The following MTHFD1L variants were observed in gnomAD, a reference collection of about 807,000 sequenced individuals.
MTHFD1L encodes monofunctional C1-tetrahydrofolate synthase, mitochondrial.
Under a neutral mutation model 119.5 loss-of-function variants are expected in MTHFD1L, and 81 were observed. The observed-to-expected ratio is 0.68, with a 90% CI of 0.57 to 0.82. The LOEUF is 0.82. Among genes scored for constraint, MTHFD1L ranks in the 40% least tolerant of loss-of-function variants. The pLI, the probability that MTHFD1L is intolerant of heterozygous loss-of-function variation, is 0.00. For missense variants in MTHFD1L, 1,125 were observed against 1,253.4 expected (o/e 0.90, Z 1.55); for synonymous variants, 430 against 475.2 (o/e 0.90, Z 1.24).
At chr6:150,885,564 T>A in intron 5 of MTHFD1L, 70 bp from the exon 6 acceptor site, 1 of 1,088,034 alleles carries the variant, frequency 9.2e-7, no homozygotes, top group Non-Finnish European at 1.4e-6. Context: ...GGTTAATATA[T>A]GTACATTACA....
Position 150,926,965 on chromosome 6 carries a change from T to C in MTHFD1L, c.1256+670T>C, listed in dbSNP as rs1190584931. Among the ~76,000 whole-genome samples the C allele has an allele frequency of 6.6e-6, 1 of 152,186 alleles. No homozygotes were observed. Among genetic ancestry groups the C allele is most frequent in the East Asian group, 1.9e-4 (1 of 5,192 alleles). Reference sequence around the variant, plus strand: ...TTATTCAGTGTGACCTGAGGGAACATCATGAGACCATATAAATTCCTTTGC... The same window carrying C: ...TTATTCAGTGTGACCTGAGGGAACACCATGAGACCATATAAATTCCTTTGC... On this transcript the variant is annotated intron_variant, in intron 11 of 27. Transcript: ENST00000367321. This position sits in a 1 kb window ranked among gnomAD's most constrained non-coding sequence, Gnocchi z 4.3.
At chr6:150,914,984 A>G (rs930139919) in intron 8 of MTHFD1L, among the ~76,000 whole-genome samples, 1 of 152,172 alleles carries the variant, frequency 6.6e-6, no homozygotes, top group Non-Finnish European at 1.5e-5. Flanking sequence ...TGTTTTTAAC[A>G]TATCTTTTAT....
chr6:151,046,479 A>G (rs1420987513), intron 26 of MTHFD1L, among the ~76,000 whole-genome samples: 67 of 17,038 alleles, frequency 3.9e-3, no homozygotes, highest in African/African-American at 7.9e-3. Context: ...GTGTATATAT[A>G]TATATATATA....
chr6:150,869,330 C>T (rs1216800369), intron 1 of MTHFD1L, among the ~76,000 whole-genome samples: 1 of 152,010 alleles, frequency 6.6e-6, no homozygotes, highest in Non-Finnish European at 1.5e-5. Flanking sequence ...TCCTCTTGCC[C>T]TCCCACCCCC....
intron 24 of MTHFD1L, among the ~76,000 whole-genome samples, chr6:151,018,089 T>C (rs555808285): frequency 3.3e-4 from 51 of 152,300 alleles, no homozygotes; most frequent in African/African-American, 1.2e-3. Flanking sequence ...TGCACCCGTC[T>C]GACATCTCCA....
At chr6:151,053,882 A>G (rs550855837) in intron 26 of MTHFD1L, among the ~76,000 whole-genome samples, 7 of 151,612 alleles carry the variant, frequency 4.6e-5, no homozygotes, top group African/African-American at 1.4e-4. Flanking sequence ...AAAAATGCTT[A>G]TCATTGCACA....
intron 8 of MTHFD1L, among the ~76,000 whole-genome samples, chr6:150,909,058 G>C (rs1786417243): frequency 6.6e-6 from 1 of 151,982 alleles, no homozygotes; most frequent in Non-Finnish European, 1.5e-5. Context: ...TGTGATTTAT[G>C]ATGAGGCAAT....
intron 8 of MTHFD1L, among the ~76,000 whole-genome samples, chr6:150,918,031 A>C (rs917915384): frequency 3.4e-5 from 5 of 148,100 alleles, no homozygotes; most frequent in Non-Finnish European, 6.0e-5. Context: ...CATTTTTTAA[A>C]TCCATTTATC....
chr6:150,936,512 A>G (rs762920314), intron 11 of MTHFD1L, among the ~76,000 whole-genome samples: 6 of 152,196 alleles, frequency 3.9e-5, no homozygotes, highest in Non-Finnish European at 8.8e-5. Flanking sequence ...CAGCTGAATT[A>G]TTTAAACCAT....
At chr6:150,944,036 AT>A (rs1186131472) in intron 13 of MTHFD1L, among the ~76,000 whole-genome samples, 1 of 152,246 alleles carries the variant, frequency 6.6e-6, no homozygotes, top group Non-Finnish European at 1.5e-5. Flanking sequence ...GGATGGAAGA[AT>A]TTATGATCTG....
chr6:150,947,662 AAACTT>A (rs1228398390), intron 15 of MTHFD1L, among the ~76,000 whole-genome samples: 6 of 150,928 alleles, frequency 4.0e-5, no homozygotes, highest in Admixed American at 6.7e-5. Flanking sequence ...ACATAGGAAT[AAACTT>A]AACTTGAATT....
chr6:151,009,769 A>G (rs1781961855), intron 20 of MTHFD1L, 50 bp from the exon 21 acceptor site: 1 of 1,605,940 alleles, frequency 6.2e-7, no homozygotes, highest in Non-Finnish European at 8.5e-7. Flanking sequence ...GCCAAAACCT[A>G]CCTTTGTTTT....
intron 8 of MTHFD1L, among the ~76,000 whole-genome samples, chr6:150,911,401 T>A (rs1345836394): frequency 6.6e-6 from 1 of 151,834 alleles, no homozygotes; most frequent in Non-Finnish European, 1.5e-5. Context: ...AAGAACACTG[T>A]CACAAAAATT....
At chr6:150,998,761 G>C (rs1780168617) in intron 20 of MTHFD1L, among the ~76,000 whole-genome samples, 1 of 147,654 alleles carries the variant, frequency 6.8e-6, no homozygotes. Context: ...CAGATCACTT[G>C]AGCTCAGGAG....
At chr6:150,893,651 A>G (rs1209359326) in intron 7 of MTHFD1L, among the ~76,000 whole-genome samples, 2 of 152,286 alleles carry the variant, frequency 1.3e-5, no homozygotes, top group South Asian at 2.1e-4. Context: ...AGGTTTGGGC[A>G]TCGGTGTGAC....
At chr6:151,067,332 T>C (rs1254687747) in intron 26 of MTHFD1L, among the ~76,000 whole-genome samples, 2 of 152,134 alleles carry the variant, frequency 1.3e-5, no homozygotes, top group Non-Finnish European at 2.9e-5. Flanking sequence ...TATTTATTTA[T>C]TTATTTATTG....
At chr6:151,046,471 G>GTGTA (rs1171603108) in intron 26 of MTHFD1L, among the ~76,000 whole-genome samples, 1,374 of 35,766 alleles carry the variant, frequency 0.038, 16 homozygotes, top group East Asian at 0.11. Flanking sequence ...ATGTGTGTGT[G>GTGTA]TATATATATA....
Position 151,013,799 on chromosome 6 carries a change from T to G in MTHFD1L, c.2286T>G (p.Leu762=), listed in dbSNP as rs999988411. The G allele has an allele frequency of 5.0e-6, 8 of 1,612,624 alleles. No individual in the cohort carries two copies. Among genetic ancestry groups the G allele is most frequent in the Non-Finnish European group, 6.8e-6 (8 of 1,178,856 alleles). ...TTCAGGTAACGGCTGGTGTTCCTCTTAAGAAAGAATATACAGAGGAGGTAA... is the reference window on the plus strand; with the variant it reads ...TTCAGGTAACGGCTGGTGTTCCTCTGAAGAAAGAATATACAGAGGAGGTAA... ...GGPSVTAGVP[L]KKEYTEENIQ... Residue 762 remains leucine (L), a synonymous_variant, in exon 22 of 28, where the codon CTT becomes CTG. Coordinates refer to ENST00000367321, the MANE Select transcript of MTHFD1L (RefSeq NM_015440.5).
chr6:150,947,257 C>T (rs1318873785), intron 15 of MTHFD1L, among the ~76,000 whole-genome samples: 5 of 150,302 alleles, frequency 3.3e-5, no homozygotes, highest in African/African-American at 9.7e-5. Context: ...ACCATGCCAG[C>T]GAATTTTTTG....
Sources: allele counts gnomAD v4.1 joint callset (sites outside exome capture counted in the v4.1 genomes callset), GRCh38; gene constraint gnomAD v4.1.1; non-coding constraint Gnocchi (gnomAD v3.1); transcripts MANE v1.5; gene names NCBI Gene and HGNC (gene_info 2026-07-23, HGNC 2026-07-21).